Variants in GSDME observed in about 807,000 individuals in gnomAD.
GSDME encodes gasdermin-E.
GSDME carries 44 observed loss-of-function variants against 47.5 expected under a neutral mutation model. The observed-to-expected ratio is 0.93, with a 90% CI of 0.73 to 1.19. GSDME has a LOEUF of 1.19. GSDME is among the 50% of genes most tolerant of loss of function. The probability of loss-of-function intolerance (pLI) is 0.00; values close to 1 mark genes in which losing one functional copy is unlikely to be tolerated. For synonymous variants in GSDME, 258 were observed against 252.8 expected, an observed-to-expected ratio of 1.02 and a Z score of -0.20; for missense variants, 663 against 604.2, an observed-to-expected ratio of 1.10 and a Z score of -1.02.
intron 9 of GSDME, among the ~76,000 whole-genome samples, chr7:24,700,061 A>G (rs1451922097): frequency 1.3e-5 from 2 of 151,998 alleles, no homozygotes; most frequent in Non-Finnish European, 2.9e-5. Context: ...GCCTTTCCCA[A>G]TCCCTTTCCA....
Position 24,702,930 on chromosome 7 carries a change from T to G in GSDME, c.1184-97A>C, listed in dbSNP as rs892779656. The G allele has an allele frequency of 3.8e-6, 4 of 1,051,706 alleles. No homozygotes were observed. In the Admixed American group the frequency reaches 7.5e-5, roughly 20 times the overall value. The allele number at this position is 1,051,706 out of a possible 1,614,324, so 65.1% of individuals were successfully genotyped here. On this transcript the variant is annotated intron_variant, in intron 8 of 9. Transcript: ENST00000645220. ...GCACCTAACTTATATTTTAGTACTT[T>G]CCCGCCAGCCAGGCAGGGGAGGTAC...
chr7:24,795,528 G>T, the GSDME span, among the ~76,000 whole-genome samples: 4 of 152,178 alleles, frequency 2.6e-5, no homozygotes, highest in Non-Finnish European at 5.9e-5. Context: ...GAGCAAGCAG[G>T]GGTACGTGAC....
Position 24,742,188 on chromosome 7 carries a change from G to A in GSDME, c.404+2374C>T, listed in dbSNP as rs1024241674. On this transcript the variant is annotated intron_variant, in intron 3 of 9. Transcript: ENST00000645220. This position sits in a 1 kb window ranked among gnomAD's most constrained non-coding sequence, Gnocchi z 4.4. ...TCACCCACCAAGTATCCTCCCTAGG[G>A]ACGCGGGTTCATGCCTCGGCCTTAA... Among the ~76,000 whole-genome samples, 4 of 152,140 alleles carry A rather than the reference G, an allele frequency of 2.6e-5. No individual in the cohort carries two copies. Among genetic ancestry groups the A allele is most frequent in the African/African-American group, 7.2e-5 (3 of 41,432 alleles).
intron 4 of GSDME, 137 bp from the exon 5 acceptor site, chr7:24,717,511 C>T (rs1215044357): frequency 1.4e-6 from 2 of 1,382,118 alleles, no homozygotes; most frequent in East Asian, 5.0e-5. Flanking sequence ...ACAGAGGAGC[C>T]AGCCAGCATG....
At chr7:24,793,897 C>T in the GSDME span, among the ~76,000 whole-genome samples, 1 of 151,864 alleles carries the variant, frequency 6.6e-6, no homozygotes, top group East Asian at 1.9e-4. Flanking sequence ...GCTGTTGCCA[C>T]TACAGATTGA....
chr7:24,758,676 T>C (rs1396753405), upstream of GSDME, among the ~76,000 whole-genome samples: 3 of 152,208 alleles, frequency 2.0e-5, no homozygotes, highest in Non-Finnish European at 4.4e-5. The surrounding 1 kb of genome is among the most constrained non-coding windows in gnomAD (Gnocchi z 4.6). Context: ...ATCTCTAGAT[T>C]GCAATTATCC....
At chr7:24,729,470 G>A (rs1001464) in intron 3 of GSDME, among the ~76,000 whole-genome samples, 32,824 of 152,198 alleles carry the variant, frequency 0.22, 5,610 homozygotes, top group East Asian at 0.75. Context: ...GGACACAGAC[G>A]CAGGCAACTT....
At chr7:24,719,749 T>C (rs988484912) in intron 3 of GSDME, among the ~76,000 whole-genome samples, 1 of 151,410 alleles carries the variant, frequency 6.6e-6, no homozygotes, top group African/African-American at 2.4e-5. Context: ...GCTGAGATCA[T>C]GCCATTGCGC....
chr7:24,717,289 A>G lies in GSDME; in HGVS notation c.662T>C (p.Val221Ala). 6.2e-7 allele frequency: 1 copy of G among 1,611,304 alleles called. No homozygotes were observed. Among genetic ancestry groups the G allele is most frequent in the Non-Finnish European group, 8.5e-7 (1 of 1,178,982 alleles). Residue 221 changes from valine to alanine, a missense_variant, in exon 5 of 10, where the codon GTC (valine) becomes GCC (alanine). Physicochemically the swap from Val to Ala is moderately conservative, Grantham distance 64 (BLOSUM62 0). Transcript: ENST00000645220. ...GTCCAGTTTCACGTATAACTCAATGACACCGTAGGCAATGGTGGTGGCAGC... is the reference window on the plus strand; with the variant it reads ...GTCCAGTTTCACGTATAACTCAATGGCACCGTAGGCAATGGTGGTGGCAGC... ...IPAATTIAYG[V>A]IELYVKLDGQ...
intron 8 of GSDME, chr7:24,703,271 A>C: frequency 3.1e-6 from 1 of 326,306 alleles, no homozygotes; most frequent in Non-Finnish European, 6.0e-6. Flanking sequence ...CATATGTCAG[A>C]ATACTGTGTA....
chr7:24,729,162 C>A (rs999618314), intron 3 of GSDME, among the ~76,000 whole-genome samples: 3 of 152,156 alleles, frequency 2.0e-5, no homozygotes, highest in Non-Finnish European at 4.4e-5. Context: ...ATGCAGCAAG[C>A]CTGGAAGATG....
chr7:24,709,135 A>C lies in GSDME; in HGVS notation c.863-881T>G, dbSNP rs1789244956. 3.3e-5 allele frequency among the ~76,000 whole-genome samples: 5 copies of C among 152,278 alleles called. No homozygotes were observed. In the South Asian group the frequency reaches 8.3e-4, roughly 25 times the overall value. ...CATATTTCAAAACTCTGCTATACAC[A>C]CAACTGTCTTTACCAGTCCCAGCCT... On this transcript the variant is annotated intron_variant, in intron 6 of 9. Transcript: ENST00000645220.
upstream of GSDME, chr7:24,758,201 A>G (rs1466285277): frequency 6.6e-6 from 1 of 152,302 alleles, no homozygotes; most frequent in Non-Finnish European, 1.5e-5. The surrounding 1 kb of genome is among the most constrained non-coding windows in gnomAD (Gnocchi z 4.6). Context: ...ACAGCGAGGC[A>G]GAGCCAAAAT....
chr7:24,704,968 G>A (rs1037211269), intron 8 of GSDME: 6 of 152,410 alleles, frequency 3.9e-5, no homozygotes, highest in Non-Finnish European at 8.8e-5. Context: ...GATTACAGAT[G>A]GGGGCCACCA....
intron 3 of GSDME, among the ~76,000 whole-genome samples, chr7:24,740,684 ATT>A (rs1790461525): frequency 6.6e-6 from 1 of 152,070 alleles, no homozygotes; most frequent in Admixed American, 6.6e-5. Flanking sequence ...GTATATATAT[ATT>A]CAGTGTAATT....
At chr7:24,734,069 A>T (rs1562706682) in intron 3 of GSDME, among the ~76,000 whole-genome samples, 1 of 152,174 alleles carries the variant, frequency 6.6e-6, no homozygotes, top group Admixed American at 6.5e-5. Flanking sequence ...CCAGGTCCAG[A>T]CAGCTTAGCA....
At chr7:24,741,010 C>T (rs1562710517) in intron 3 of GSDME, among the ~76,000 whole-genome samples, 1 of 152,176 alleles carries the variant, frequency 6.6e-6, no homozygotes, top group East Asian at 1.9e-4. Flanking sequence ...GGTGTGCGCG[C>T]TCCAGAGTCC....
rs1250085267 is a variant in GSDME at position 24,714,961 on chromosome 7, A to C, written c.697+2293T>G. On this transcript the variant is annotated intron_variant, in intron 5 of 9. Transcript: ENST00000645220. This position sits in a 1 kb window ranked among gnomAD's most constrained non-coding sequence, Gnocchi z 5.0. The stretch of plus-strand genomic sequence containing the variant: ...ACAGCCAAGATACGGAAATAATGTA[A>C]CTGTCTGTTGATGGACAAATAGATA... 6.6e-6 allele frequency among the ~76,000 whole-genome samples: 1 copy of C among 152,244 alleles called. No homozygotes were observed. Among genetic ancestry groups the C allele is most frequent in the Non-Finnish European group, 1.5e-5 (1 of 68,046 alleles).
Position 24,736,552 on chromosome 7 carries a change from GC to G in GSDME, c.404+8009del, listed in dbSNP as rs1373575123. On this transcript the variant is annotated intron_variant, in intron 3 of 9. Transcript: ENST00000645220. This position sits in a 1 kb window ranked among gnomAD's most constrained non-coding sequence, Gnocchi z 4.6. ...AATATTATTAAAGCTAAAGAGATAG[GC>G]CCCCAGTGCAGTAATACCTGGAGAC... 1.2e-4 allele frequency among the ~76,000 whole-genome samples: 18 copies of G among 152,082 alleles called. No homozygotes were observed. Among genetic ancestry groups the G allele is most frequent in the Non-Finnish European group, 4.4e-5 (3 of 68,000 alleles).
Sources: allele counts gnomAD v4.1 joint callset (sites outside exome capture counted in the v4.1 genomes callset), GRCh38; gene constraint gnomAD v4.1.1; non-coding constraint Gnocchi (gnomAD v3.1); transcripts MANE v1.5; gene names NCBI Gene and HGNC (gene_info 2026-07-23, HGNC 2026-07-21).